YWHAE: variants seen among roughly 807,000 people sequenced by gnomAD.
YWHAE encodes tyrosine 3-monooxygenase/tryptophan 5-monooxygenase activation protein epsilon, also known as 14-3-3 protein epsilon.
In YWHAE, 4 loss-of-function variants were observed where a neutral mutation model predicts 30.1. The observed-to-expected ratio is 0.13, with a 90% confidence interval of 0.07 to 0.30. YWHAE has a LOEUF of 0.30. Among genes scored for constraint, YWHAE ranks in the 10% least tolerant of loss-of-function variants. The probability of loss-of-function intolerance (pLI) is 1.00; values close to 1 mark genes in which losing one functional copy is unlikely to be tolerated. For missense variants in YWHAE, 121 were observed against 315.9 expected, an observed-to-expected ratio of 0.38 and a Z score of 4.68; for synonymous variants, 118 against 111.8, an observed-to-expected ratio of 1.06 and a Z score of -0.35.
chr17:1,355,054 C>A (rs560384768), intron 4 of YWHAE, among the ~76,000 whole-genome samples: 19 of 111,278 alleles, frequency 1.7e-4, no homozygotes, highest in Non-Finnish European at 2.9e-4. Flanking sequence ...AAGCAATCTT[C>A]CGAACCTTAG....
intron 2 of YWHAE, among the ~76,000 whole-genome samples, chr17:1,363,953 A>C (rs1279360333): frequency 6.6e-6 from 1 of 151,944 alleles, no homozygotes; most frequent in Non-Finnish European, 1.5e-5. Flanking sequence ...CCCAGTCCCC[A>C]CCCCACTAGA....
chr17:1,362,859 T>C (rs991067166), intron 2 of YWHAE, among the ~76,000 whole-genome samples: 2 of 152,150 alleles, frequency 1.3e-5, no homozygotes, highest in Non-Finnish European at 2.9e-5. Context: ...GAGACTGGTC[T>C]AGGAGAAGGA....
At chr17:1,363,884 G>A (rs2072902005) in intron 2 of YWHAE, among the ~76,000 whole-genome samples, 1 of 151,198 alleles carries the variant, frequency 6.6e-6, no homozygotes, top group Non-Finnish European at 1.5e-5. Flanking sequence ...CTCAACAGCA[G>A]CACTCCCGAC....
intron 4 of YWHAE, among the ~76,000 whole-genome samples, chr17:1,357,841 C>A (rs796886150): frequency 6.6e-6 from 1 of 150,786 alleles, no homozygotes; most frequent in African/African-American, 2.4e-5. Context: ...GCAGGAGAAT[C>A]GCTTGAAACC....
intron 1 of YWHAE, among the ~76,000 whole-genome samples, chr17:1,375,887 ACCC>A (rs1438633763): frequency 5.9e-5 from 9 of 152,186 alleles, no homozygotes; most frequent in Admixed American, 5.9e-4. Flanking sequence ...TAAATAAAAC[ACCC>A]CATTTCAACT....
At chr17:1,354,618 A>T (rs1250984610) in intron 4 of YWHAE, among the ~76,000 whole-genome samples, 1 of 152,182 alleles carries the variant, frequency 6.6e-6, no homozygotes, top group Non-Finnish European at 1.5e-5. Flanking sequence ...ATCACCAAAA[A>T]ATATACCTCC....
chr17:1,389,638 C>G (rs889620507), intron 1 of YWHAE, among the ~76,000 whole-genome samples: 16 of 150,826 alleles, frequency 1.1e-4, no homozygotes, highest in African/African-American at 3.9e-4. Context: ...TCATGCCATT[C>G]TCCTGCCTCA....
chr17:1,398,334 TC>T lies in YWHAE; in HGVS notation c.64+1712del, dbSNP rs11389163. Among the ~76,000 whole-genome samples, 292 of 100,922 alleles carry T rather than the reference TC, an allele frequency of 2.9e-3. 1 individual carries two copies. The highest frequency in any genetic ancestry group is 0.014 in the African/African-American group (280 of 19,348). 66.2% of individuals were successfully genotyped at this position (100,922 alleles called of 152,430 possible). On this transcript the variant is annotated intron_variant, in intron 1 of 5. Coordinates refer to ENST00000264335, the MANE Select transcript of YWHAE (RefSeq NM_006761.5). ...CCTTGAGCTGTACTTCCCCATCTTA[TC>T]CCCCCCCCCAACAGGAACCTTGTTG... is the stretch of plus-strand genomic sequence containing the variant.
chr17:1,366,494 A>C (rs1301627354), intron 1 of YWHAE, among the ~76,000 whole-genome samples: 1 of 152,146 alleles, frequency 6.6e-6, no homozygotes, highest in Non-Finnish European at 1.5e-5. Context: ...AGATCGCCCC[A>C]CTGTATGCCA....
At chr17:1,378,625 G>C (rs1259209845) in intron 1 of YWHAE, among the ~76,000 whole-genome samples, 1 of 152,328 alleles carries the variant, frequency 6.6e-6, no homozygotes, top group East Asian at 1.9e-4. Context: ...CATTTCAGGA[G>C]CAATACTACT....
intron 2 of YWHAE, among the ~76,000 whole-genome samples, chr17:1,362,609 TC>T (rs2072881332): frequency 6.6e-6 from 1 of 151,830 alleles, no homozygotes; most frequent in South Asian, 2.1e-4. Flanking sequence ...CTGCCACCCA[TC>T]TCTATCCACT....
chr17:1,393,552 C>T (rs2073420688), intron 1 of YWHAE, among the ~76,000 whole-genome samples: 1 of 152,134 alleles, frequency 6.6e-6, no homozygotes, highest in South Asian at 2.1e-4. Context: ...ACCTCAGCCT[C>T]CTCAGTAGCT....
chr17:1,370,329 C>T (rs1340207288), intron 1 of YWHAE, among the ~76,000 whole-genome samples: 1 of 151,638 alleles, frequency 6.6e-6, no homozygotes, highest in African/African-American at 2.4e-5. Flanking sequence ...GGCGGGGTTT[C>T]ACCATGTTAG....
At chr17:1,370,199 T>G (rs1442900987) in intron 1 of YWHAE, among the ~76,000 whole-genome samples, 1 of 137,810 alleles carries the variant, frequency 7.3e-6, no homozygotes, top group Non-Finnish European at 1.5e-5. Flanking sequence ...TGATCTCGGC[T>G]CACTGCAAGC....
chr17:1,348,100 T>C (rs895442712), intron 5 of YWHAE: 2 of 596,234 alleles, frequency 3.4e-6, no homozygotes, highest in Non-Finnish European at 4.2e-6. Context: ...AGGAAAACAA[T>C]GATACAGGAG....
chr17:1,388,001 C>T (rs1472107389), intron 1 of YWHAE, among the ~76,000 whole-genome samples: 2 of 147,198 alleles, frequency 1.4e-5, no homozygotes, highest in African/African-American at 2.5e-5. Context: ...TCTCGGCTCA[C>T]TGCAACCTTT....
rs1205953889 is a variant in YWHAE at position 1,383,900 on chromosome 17, A to G, written c.64+16147T>C. Among the ~76,000 whole-genome samples the G allele has an allele frequency of 3.3e-5, 5 of 152,000 alleles. No individual in the cohort carries two copies. In the East Asian group the frequency reaches 9.7e-4, roughly 29 times the overall value. ...ATATGGCAAGACCCCATCTCTTCAC[A>G]CATTTAAAAAATTAGCCGAAGAGGG... On this transcript the variant is annotated intron_variant, in intron 1 of 5. Coordinates refer to ENST00000264335, the MANE Select transcript of YWHAE (RefSeq NM_006761.5).
intron 1 of YWHAE, among the ~76,000 whole-genome samples, chr17:1,396,016 G>C (rs1039051814): frequency 6.6e-6 from 1 of 152,198 alleles, no homozygotes; most frequent in Non-Finnish European, 1.5e-5. Flanking sequence ...TACTCTTGGA[G>C]GCTGAGGCAG....
intron 4 of YWHAE, among the ~76,000 whole-genome samples, chr17:1,356,463 T>C (rs1239551428): frequency 6.6e-6 from 1 of 152,138 alleles, no homozygotes; most frequent in Non-Finnish European, 1.5e-5. Flanking sequence ...CTAATCTCAA[T>C]GGATAAGGAG....
Sources: allele counts gnomAD v4.1 joint callset (sites outside exome capture counted in the v4.1 genomes callset), GRCh38; gene constraint gnomAD v4.1.1; transcripts MANE v1.5; gene names NCBI Gene and HGNC (gene_info 2026-07-23, HGNC 2026-07-21).